Variants in C4orf36 observed in about 807,000 individuals in gnomAD.
The protein encoded by C4orf36 is chromosome 4 open reading frame 36.
In C4orf36, 11 loss-of-function variants were observed where a neutral mutation model predicts 12.2. That is an observed-to-expected ratio of 0.90 (90% CI 0.57 to 1.49). The LOEUF is 1.49. Ranked by LOEUF, C4orf36 falls within the 40% of genes most tolerant of loss-of-function variation. C4orf36 has a pLI of 0.00. For synonymous variants in C4orf36, 54 were observed against 51.3 expected (o/e 1.05, Z -0.22); for missense variants, 137 against 133.9 (o/e 1.02, Z -0.11).
intron 4 of C4orf36, among the ~76,000 whole-genome samples, chr4:86,881,439 A>C (rs983586744): frequency 6.6e-6 from 1 of 152,200 alleles, no homozygotes; most frequent in African/African-American, 2.4e-5. Context: ...CTTAAAAAGA[A>C]TACCAAAAAA....
At chr4:86,925,768 T>C in the C4orf36 span, 3 of 151,958 alleles carry the variant, frequency 2.0e-5, no homozygotes, top group Non-Finnish European at 2.9e-5. Context: ...AGTGTGGATC[T>C]TTCCTTTTCT....
chr4:86,931,245 TTC>T, the C4orf36 span, among the ~76,000 whole-genome samples: 14 of 152,088 alleles, frequency 9.2e-5, no homozygotes, highest in African/African-American at 3.1e-4. Flanking sequence ...TCCTCTTGAT[TTC>T]TGTTCTTTTT....
the C4orf36 span, among the ~76,000 whole-genome samples, chr4:86,907,748 G>A: frequency 6.6e-6 from 1 of 151,958 alleles, no homozygotes; most frequent in African/African-American, 2.4e-5. Flanking sequence ...AGGCCAAGGC[G>A]GGTGGATCAC....
Position 86,889,793 on chromosome 4 carries a change from T to C in C4orf36, c.66-1518A>G, listed in dbSNP as rs143416120. The stretch of plus-strand genomic sequence containing the variant: ...TTAGCCGAATGTGGTGGCACAGGCC[T>C]GTGGTTCCAGCTACAAAAGAGGCTG... On this transcript the variant is annotated intron_variant, in intron 2 of 4. Coordinates refer to ENST00000295898, the MANE Select transcript of C4orf36 (RefSeq NM_144645.4). Among the ~76,000 whole-genome samples the C allele has an allele frequency of 3.3e-3, 504 of 152,282 alleles. 15 individuals carry two copies. The East Asian group carries it at 0.043, about 13-fold the overall frequency.
At chr4:86,932,773 T>TG in the C4orf36 span, among the ~76,000 whole-genome samples, 48 of 12,172 alleles carry the variant, frequency 3.9e-3, no homozygotes, top group Middle Eastern at 0.071. Context: ...TTTGGGGGGG[T>TG]GGGGGGGTTC....
intron 2 of C4orf36, among the ~76,000 whole-genome samples, chr4:86,891,078 T>C (rs1019425284): frequency 3.3e-5 from 5 of 152,192 alleles, no homozygotes; most frequent in African/African-American, 1.2e-4. Flanking sequence ...GGGCATTTTT[T>C]TGGTAGACGT....
chr4:86,935,345 C>G, the C4orf36 span: 35 of 152,616 alleles, frequency 2.3e-4, no homozygotes, highest in African/African-American at 7.9e-4. Context: ...GCCTCTCTGC[C>G]GGCTTCCCAG....
At chr4:86,914,777 G>A in the C4orf36 span, 4 of 449,610 alleles carry the variant, frequency 8.9e-6, no homozygotes, top group South Asian at 5.2e-5. Flanking sequence ...TTCCAGGCAC[G>A]ATAGGTGATT....
At chr4:86,911,029 G>A in the C4orf36 span, among the ~76,000 whole-genome samples, 1 of 152,176 alleles carries the variant, frequency 6.6e-6, no homozygotes, top group Admixed American at 6.5e-5. Flanking sequence ...GTTGTAGTGG[G>A]CCAAGATCAT....
chr4:86,898,801 C>A, the C4orf36 span, among the ~76,000 whole-genome samples: 1 of 152,092 alleles, frequency 6.6e-6, no homozygotes, highest in African/African-American at 2.4e-5. Flanking sequence ...GCCTGGGCAA[C>A]ATAGCAAGTC....
At chr4:86,895,282 C>G (rs138057338), upstream of C4orf36, among the ~76,000 whole-genome samples, 628 of 152,182 alleles carry the variant, frequency 4.1e-3, 6 homozygotes, top group African/African-American at 0.015. Context: ...CGACTGCACT[C>G]CAGCCTGAGT....
In C4orf36 at chr4:86,891,293, C is replaced by CAAAA. The variant is rs34250498; in HGVS notation, c.65+159_65+162dup. ...ATAATTAACTTATAAAAGCAGTTGC[C>CAAAA]AAAAAAAAAAAAAAAAAAAATCAGA... On this transcript the variant is annotated intron_variant, in intron 2 of 4. Transcript: ENST00000295898. Among the ~76,000 whole-genome samples, 580 of 118,768 alleles carry CAAAA rather than the reference C, an allele frequency of 4.9e-3. 3 individuals carry two copies. The highest frequency in any genetic ancestry group is 0.011 in the East Asian group (45 of 3,934). The allele number at this position is 118,768 out of a possible 152,430, so 77.9% of individuals were successfully genotyped here. A position where few individuals can be genotyped will look rare whatever the true frequency, so the allele number is the denominator to read the frequency against.
At chr4:86,914,863 C>A in the C4orf36 span, 30,621 of 405,462 alleles carry the variant, frequency 0.076, 1,409 homozygotes, top group Non-Finnish European at 0.09. Context: ...CGGGGGAGTC[C>A]GGACGGGCTT....
chr4:86,893,864 T>TTTTA (rs147837409), upstream of C4orf36, among the ~76,000 whole-genome samples: 6,144 of 138,288 alleles, frequency 0.044, 172 homozygotes, highest in Middle Eastern at 0.065. Flanking sequence ...TGGCCTGAAT[T>TTTTA]TTTATTTATT....
chr4:86,935,245 G>C, the C4orf36 span: 1 of 152,324 alleles, frequency 6.6e-6, no homozygotes, highest in Admixed American at 6.5e-5. Flanking sequence ...TGGAAGGTGA[G>C]CGCAGCCCTG....
the C4orf36 span, among the ~76,000 whole-genome samples, chr4:86,932,059 G>C: frequency 6.3e-5 from 1 of 15,996 alleles, no homozygotes; most frequent in African/African-American, 1.1e-4. Flanking sequence ...AAAAAAAAAA[G>C]ATTTATTCCG....
intron 2 of C4orf36, among the ~76,000 whole-genome samples, chr4:86,889,825 G>A (rs564993026): frequency 1.9e-4 from 29 of 152,146 alleles, no homozygotes; most frequent in Admixed American, 2.6e-4. Context: ...GCTGCGGCAG[G>A]AGGATCACTT....
At chr4:86,890,277 A>G (rs1240439254) in intron 2 of C4orf36, 1 of 380,374 alleles carries the variant, frequency 2.6e-6, no homozygotes, top group African/African-American at 2.1e-5. Flanking sequence ...AAGGTCACAA[A>G]GCCATTGGTT....
chr4:86,888,131 A>G lies in C4orf36; in HGVS notation c.210T>C (p.Pro70=). ...KCTTIKDGLL[P]SAESIKLERE... ...ACTTAAGGAACTTACATTCTGCAGA[A>G]GGGAGCAGTCCATCTTTAATGGTGG... is the stretch of plus-strand genomic sequence containing the variant. Residue 70 remains proline, a synonymous_variant, in exon 3 of 5, where the codon CCT becomes CCC. Transcript: ENST00000295898. 6.2e-7 allele frequency: 1 copy of G among 1,612,882 alleles called. No individual in the cohort carries two copies. Among genetic ancestry groups the G allele is most frequent in the South Asian group, 1.1e-5 (1 of 90,606 alleles).
Sources: allele counts gnomAD v4.1 joint callset (sites outside exome capture counted in the v4.1 genomes callset), GRCh38; gene constraint gnomAD v4.1.1; transcripts MANE v1.5; gene names NCBI Gene and HGNC (gene_info 2026-07-23, HGNC 2026-07-21).